Variants in OSBP2 observed in about 807,000 individuals in gnomAD.
The protein encoded by OSBP2 is oxysterol binding protein 2, also known as oxysterol-binding protein 2.
Under a neutral mutation model 96.0 loss-of-function variants are expected in OSBP2, and 66 were observed. That is an observed-to-expected ratio of 0.69 (90% CI 0.56 to 0.84). The LOEUF (loss-of-function observed/expected upper bound fraction) is 0.84. OSBP2 is among the 40% of genes least tolerant of loss of function. The pLI is 0.00. For synonymous variants in OSBP2, 525 were observed against 520.9 expected, an observed-to-expected ratio of 1.01 and a Z score of -0.11; for missense variants, 1,038 against 1,222.7, an observed-to-expected ratio of 0.85 and a Z score of 2.25.
Position 30,907,366 on chromosome 22 carries a change from G to A in OSBP2, c.*1027G>A, listed in dbSNP as rs1569179743. The A allele has an allele frequency of 6.6e-6, 1 of 151,088 alleles. No homozygotes were observed. The highest frequency in any genetic ancestry group is 1.5e-5 in the Non-Finnish European group (1 of 67,858). The allele number at this position is 151,088 out of a possible 1,614,324, so 9.4% of individuals were successfully genotyped here. On this transcript the variant is annotated 3_prime_UTR_variant, in exon 14 of 14. Coordinates refer to ENST00000332585, the MANE Select transcript of OSBP2 (RefSeq NM_030758.4). ...TAAATATATATAAAATAGCTATTTT[G>A]CTTAAATTTCTACAGTATGTAAAAG...
intron 8 of OSBP2, among the ~76,000 whole-genome samples, chr22:30,892,585 G>A (rs1436704730): frequency 6.6e-6 from 1 of 152,132 alleles, no homozygotes; most frequent in Non-Finnish European, 1.5e-5. Flanking sequence ...AGGGAGGCTT[G>A]GTGGAACTGC....
intron 2 of OSBP2, among the ~76,000 whole-genome samples, chr22:30,854,300 A>G (rs1462973024): frequency 2.3e-5 from 3 of 128,270 alleles, no homozygotes; most frequent in African/African-American, 8.8e-5. Context: ...TGCTTTATAC[A>G]GTTATCTTTT....
At chr22:30,846,264 A>G (rs894051759) in intron 2 of OSBP2, among the ~76,000 whole-genome samples, 1 of 152,018 alleles carries the variant, frequency 6.6e-6, no homozygotes, top group African/African-American at 2.4e-5. Context: ...CTCCTGTCTC[A>G]GCCTTTCATG....
intron 3 of OSBP2, among the ~76,000 whole-genome samples, chr22:30,873,593 T>TC (rs1365903074): frequency 1.3e-5 from 2 of 152,116 alleles, no homozygotes; most frequent in Non-Finnish European, 2.9e-5. Context: ...TGCAACTCCA[T>TC]CCCACTCCCC....
At chr22:30,709,474 G>C (rs2145682775) in intron 1 of OSBP2, among the ~76,000 whole-genome samples, 1 of 152,124 alleles carries the variant, frequency 6.6e-6, no homozygotes, top group East Asian at 1.9e-4. Context: ...TTAGCAGCTA[G>C]TGATGATCAA....
intron 1 of OSBP2, among the ~76,000 whole-genome samples, chr22:30,724,630 G>A (rs1255241653): frequency 1.3e-5 from 2 of 152,180 alleles, no homozygotes; most frequent in Non-Finnish European, 2.9e-5. Context: ...AGGACATTTT[G>A]GTTGCATGCG....
intron 2 of OSBP2, among the ~76,000 whole-genome samples, chr22:30,847,430 C>T: frequency 6.6e-6 from 1 of 151,644 alleles, no homozygotes; most frequent in Non-Finnish European, 1.5e-5. Flanking sequence ...TACAGGTGCC[C>T]ACCACCACGC....
intron 3 of OSBP2, among the ~76,000 whole-genome samples, chr22:30,882,502 A>G (rs1289498601): frequency 9.5e-6 from 1 of 104,972 alleles, no homozygotes; most frequent in African/African-American, 3.5e-5. Flanking sequence ...GGTCATGCAC[A>G]CTATAAAAAA....
chr22:30,805,831 G>A (rs1324225338), intron 2 of OSBP2, among the ~76,000 whole-genome samples: 1 of 152,198 alleles, frequency 6.6e-6, no homozygotes, highest in Non-Finnish European at 1.5e-5. Context: ...CAAAGGAAAT[G>A]TTCCCTCCAG....
chr22:30,843,285 AAG>A (rs1420253422), intron 2 of OSBP2, among the ~76,000 whole-genome samples: 3 of 152,130 alleles, frequency 2.0e-5, no homozygotes, highest in African/African-American at 7.2e-5. Flanking sequence ...AATGGTGTCT[AAG>A]AGAGTGAATC....
At chr22:30,785,703 C>G (rs900690761) in intron 2 of OSBP2, among the ~76,000 whole-genome samples, 1 of 152,036 alleles carries the variant, frequency 6.6e-6, no homozygotes, top group Non-Finnish European at 1.5e-5. Context: ...CCCCACATAT[C>G]GAGGGAGGGA....
At position 30,870,362 on chromosome 22, in the gene OSBP2, G is replaced by A. The variant is rs2039432206; in HGVS notation, c.854-67G>A. On this transcript the variant is annotated intron_variant, in intron 2 of 13. Transcript: ENST00000332585. This position sits in a 1 kb window ranked among gnomAD's most constrained non-coding sequence, Gnocchi z 4.1. ...CTATCCACCCTGCCCTGCTCGGCCT[G>A]GCTGTGCAGGCCTCTTGGTACCACG... The A allele has an allele frequency of 6.5e-7, 1 of 1,544,794 alleles. No homozygotes were observed. Among genetic ancestry groups the A allele is most frequent in the Non-Finnish European group, 8.9e-7 (1 of 1,129,824 alleles).
At chr22:30,736,996 C>G (rs981560576) in intron 1 of OSBP2, among the ~76,000 whole-genome samples, 52 of 152,186 alleles carry the variant, frequency 3.4e-4, no homozygotes, top group African/African-American at 9.2e-4. Flanking sequence ...CTTCGATTCT[C>G]CATTTTTCCA....
At chr22:30,707,225 T>C (rs1386704460) in intron 1 of OSBP2, among the ~76,000 whole-genome samples, 2 of 151,730 alleles carry the variant, frequency 1.3e-5, no homozygotes, top group African/African-American at 4.8e-5. Flanking sequence ...GCCTCCGGAG[T>C]AGGTGGGATT....
intron 2 of OSBP2, among the ~76,000 whole-genome samples, chr22:30,794,499 G>A (rs1419312420): frequency 5.9e-5 from 9 of 151,722 alleles, no homozygotes; most frequent in Admixed American, 5.9e-4. Flanking sequence ...TCCTGACCTC[G>A]AGTGATCCGC....
intron 1 of OSBP2, among the ~76,000 whole-genome samples, chr22:30,709,284 C>T (rs1257463389): frequency 6.6e-6 from 1 of 151,978 alleles, no homozygotes; most frequent in Admixed American, 6.6e-5. Flanking sequence ...TGGGACTCAA[C>T]CAAGATCTAC....
At chr22:30,894,112 G>A (rs2040014427) in intron 12 of OSBP2, 111 bp downstream of exon 12, 1 of 837,908 alleles carries the variant, frequency 1.2e-6, no homozygotes, top group East Asian at 2.6e-5. Context: ...TCCACACATG[G>A]GCAGAGAACA....
intron 2 of OSBP2, among the ~76,000 whole-genome samples, chr22:30,864,944 C>T (rs2039300456): frequency 1.3e-5 from 2 of 152,286 alleles, no homozygotes; most frequent in African/African-American, 2.4e-5. Context: ...GGCCTCTGCC[C>T]CCTAAGCACC....
intron 2 of OSBP2, among the ~76,000 whole-genome samples, chr22:30,821,579 G>C (rs2038274092): frequency 6.6e-6 from 1 of 152,110 alleles, no homozygotes. Context: ...GTGGATGGGG[G>C]ATGGGGGTGC....
Sources: allele counts gnomAD v4.1 joint callset (sites outside exome capture counted in the v4.1 genomes callset), GRCh38; gene constraint gnomAD v4.1.1; non-coding constraint Gnocchi (gnomAD v3.1); transcripts MANE v1.5; gene names NCBI Gene and HGNC (gene_info 2026-07-23, HGNC 2026-07-21).